PPM1E: variants seen among roughly 807,000 people sequenced by gnomAD.
PPM1E encodes protein phosphatase 1E.
PPM1E carries 20 observed loss-of-function variants against 65.9 expected under a neutral mutation model. That is an observed-to-expected ratio of 0.30 (90% CI 0.21 to 0.44). The LOEUF (loss-of-function observed/expected upper bound fraction) is 0.44. Ranked by LOEUF, PPM1E falls within the 20% of genes least tolerant of loss-of-function variation. PPM1E has a pLI of 1.00. For synonymous variants in PPM1E, 352 were observed against 374.9 expected (o/e 0.94, Z 0.70); for missense variants, 713 against 953.1 (o/e 0.75, Z 3.32).
intron 1 of PPM1E, among the ~76,000 whole-genome samples, chr17:58,836,411 C>T (rs2050656589): frequency 6.6e-6 from 1 of 151,398 alleles, no homozygotes. Context: ...TTAATGAGCC[C>T]AGGAGTTCAA....
At chr17:58,955,140 G>A (rs1243984624) in intron 1 of PPM1E, among the ~76,000 whole-genome samples, 9 of 152,086 alleles carry the variant, frequency 5.9e-5, no homozygotes, top group South Asian at 4.2e-4. Context: ...CAAGGTGGGC[G>A]GATCACCTGA....
rs1479835941 is a variant in PPM1E at position 58,791,645 on chromosome 17, A to G, written c.464+35184A>G. 3.9e-5 allele frequency among the ~76,000 whole-genome samples: 6 copies of G among 152,288 alleles called. No individual in the cohort carries two copies. The South Asian group carries it at 1.0e-3, about 26-fold the overall frequency. On this transcript the variant is annotated intron_variant, in intron 1 of 6. Coordinates refer to ENST00000308249, the MANE Select transcript of PPM1E (RefSeq NM_014906.5). The stretch of plus-strand genomic sequence containing the variant: ...AAATTCCAGGTTTTCTGGACTGAAT[A>G]CCTACACCCAGGATCGATGTGAATA...
rs998642815 is a variant in PPM1E at position 58,921,868 on chromosome 17, C to G, written c.465-33781C>G. ...CCAGGCTGGCTAACATGGTAAAACC[C>G]CATCTCTACTAAAAATAAAAAATTA... On this transcript the variant is annotated intron_variant, in intron 1 of 6. Transcript: ENST00000308249. Among the ~76,000 whole-genome samples the G allele has an allele frequency of 1.2e-3, 178 of 151,570 alleles. 1 individual carries two copies. The highest frequency in any genetic ancestry group is 4.1e-3 in the African/African-American group (169 of 41,306).
chr17:58,819,693 C>T (rs1052269515), intron 1 of PPM1E, among the ~76,000 whole-genome samples: 1 of 151,746 alleles, frequency 6.6e-6, no homozygotes, highest in Non-Finnish European at 1.5e-5. Flanking sequence ...AGGCTTCTGG[C>T]GTGGTGCAAG....
intron 1 of PPM1E, among the ~76,000 whole-genome samples, chr17:58,863,092 G>T (rs1567856666): frequency 2.0e-5 from 3 of 152,220 alleles, no homozygotes; most frequent in African/African-American, 7.2e-5. Context: ...AATGGCTAAT[G>T]ATTTGGGAAA....
chr17:58,774,694 G>A (rs934709904), intron 1 of PPM1E, among the ~76,000 whole-genome samples: 5 of 151,972 alleles, frequency 3.3e-5, no homozygotes, highest in African/African-American at 1.2e-4. Context: ...ATATTGTTAT[G>A]TTTATTTGTA....
intron 1 of PPM1E, among the ~76,000 whole-genome samples, chr17:58,867,139 C>T (rs953265208): frequency 4.6e-5 from 7 of 152,198 alleles, no homozygotes; most frequent in African/African-American, 1.7e-4. Context: ...TGCCGCCACA[C>T]CCAGCTAATG....
chr17:58,949,871 C>G (rs1209413496), intron 1 of PPM1E, among the ~76,000 whole-genome samples: 1 of 152,036 alleles, frequency 6.6e-6, no homozygotes, highest in Non-Finnish European at 1.5e-5. Flanking sequence ...GAATAGCTTT[C>G]CTGGGTATAA....
intron 1 of PPM1E, among the ~76,000 whole-genome samples, chr17:58,766,989 T>A (rs1350358343): frequency 3.3e-5 from 5 of 152,168 alleles, no homozygotes; most frequent in African/African-American, 1.2e-4. Flanking sequence ...CAATTTTCAG[T>A]GTTTCAAAAC....
At chr17:58,949,095 G>A in intron 1 of PPM1E, among the ~76,000 whole-genome samples, 1 of 152,162 alleles carries the variant, frequency 6.6e-6, no homozygotes, top group Admixed American at 6.6e-5. Flanking sequence ...TGAGTTGGGT[G>A]TTGAAGTCCC....
In PPM1E at chr17:58,919,612, C is replaced by A. The variant is rs1022414622; in HGVS notation, c.465-36037C>A. 3.3e-5 allele frequency among the ~76,000 whole-genome samples: 5 copies of A among 151,992 alleles called. No homozygotes were observed. The East Asian group carries it at 5.8e-4, about 18-fold the overall frequency. ...ACCAGCCTGACCAACATGGAGAAAC[C>A]CTGTCTCTACTAAAAACACAAAAAA... On this transcript the variant is annotated intron_variant, in intron 1 of 6. Transcript: ENST00000308249.
intron 1 of PPM1E, among the ~76,000 whole-genome samples, chr17:58,767,459 A>G (rs1050845577): frequency 6.6e-6 from 1 of 152,158 alleles, no homozygotes; most frequent in Non-Finnish European, 1.5e-5. Flanking sequence ...TTTCAATGCA[A>G]ATGTAGAAAT....
At chr17:58,966,418 T>TAAAAAAAAAAA in intron 3 of PPM1E, 1 of 120,378 alleles carries the variant, frequency 8.3e-6, no homozygotes. Flanking sequence ...AGCAGTTTTG[T>TAAAAAAAAAAA]AAAAAAAAAA....
chr17:58,876,587 T>TA (rs1353596044), intron 1 of PPM1E, among the ~76,000 whole-genome samples: 2 of 152,182 alleles, frequency 1.3e-5, no homozygotes, highest in Admixed American at 6.5e-5. Flanking sequence ...ATCCTCTTCC[T>TA]AAAATGTAAG....
At chr17:58,788,489 A>C (rs570460628) in intron 1 of PPM1E, among the ~76,000 whole-genome samples, 8 of 152,306 alleles carry the variant, frequency 5.3e-5, no homozygotes, top group African/African-American at 1.9e-4. Flanking sequence ...TTGTGAGGGA[A>C]GAAGGTACAT....
chr17:58,901,608 G>A lies in PPM1E; in HGVS notation c.465-54041G>A, dbSNP rs536194955. Among the ~76,000 whole-genome samples, 19 of 152,206 alleles carry A rather than the reference G, an allele frequency of 1.2e-4. No individual in the cohort carries two copies. In the East Asian group the frequency reaches 2.7e-3, roughly 22 times the overall value. On this transcript the variant is annotated intron_variant, in intron 1 of 6. Transcript: ENST00000308249. ...CTGGATCACTTTAACCTGGGAGGCC[G>A]AGGTTGCAGTGAGCCAAGATTGCCC...
chr17:58,915,270 C>T (rs1328978656), intron 1 of PPM1E, among the ~76,000 whole-genome samples: 2 of 152,134 alleles, frequency 1.3e-5, no homozygotes, highest in Non-Finnish European at 2.9e-5. Flanking sequence ...TTATTCATGC[C>T]TCCCCTTTTT....
At chr17:58,836,324 TATCTA>T (rs2050655669) in intron 1 of PPM1E, among the ~76,000 whole-genome samples, 1 of 151,942 alleles carries the variant, frequency 6.6e-6, no homozygotes, top group African/African-American at 2.4e-5. Flanking sequence ...GCCTTCTTCT[TATCTA>T]AATCAAAGAA....
At chr17:58,764,240 TAACA>T (rs902930577) in intron 1 of PPM1E, among the ~76,000 whole-genome samples, 6 of 152,078 alleles carry the variant, frequency 3.9e-5, no homozygotes, top group East Asian at 1.9e-4. Context: ...ATGGCTACCA[TAACA>T]AACAATTTTG....
Sources: allele counts gnomAD v4.1 joint callset (sites outside exome capture counted in the v4.1 genomes callset), GRCh38; gene constraint gnomAD v4.1.1; transcripts MANE v1.5; gene names NCBI Gene and HGNC (gene_info 2026-07-23, HGNC 2026-07-21).